Variants in RNF212 observed in about 807,000 individuals in gnomAD.
RNF212 encodes the protein probable E3 SUMO-protein ligase RNF212.
In RNF212, 33 loss-of-function variants were observed where a neutral mutation model predicts 34.7. That is an observed-to-expected ratio of 0.95 (90% CI 0.72 to 1.27). RNF212 has a LOEUF of 1.27. RNF212 is among the 50% of genes most tolerant of loss of function. The pLI is 0.00. For missense variants in RNF212, 377 were observed against 362.2 expected, an observed-to-expected ratio of 1.04 and a Z score of -0.33; for synonymous variants, 140 against 136.1, an observed-to-expected ratio of 1.03 and a Z score of -0.20.
chr4:1,105,141 T>G (rs1724609614), intron 2 of RNF212, among the ~76,000 whole-genome samples: 1 of 152,224 alleles, frequency 6.6e-6, no homozygotes. Context: ...AACTGGCGTG[T>G]CCATGACTGT....
chr4:1,088,650 C>T (rs1475138675), intron 4 of RNF212, among the ~76,000 whole-genome samples: 1 of 152,220 alleles, frequency 6.6e-6, no homozygotes, highest in Non-Finnish European at 1.5e-5. Flanking sequence ...GAGATCTTCA[C>T]AGCAGCCCCT....
chr4:1,099,714 A>T (rs1481396015), intron 2 of RNF212: 2 of 456,314 alleles, frequency 4.4e-6, no homozygotes, highest in Non-Finnish European at 8.8e-6. Context: ...GTTAAATCTC[A>T]CAGCGTGACT....
chr4:1,093,886 G>A, intron 3 of RNF212: 5 of 1,536,252 alleles, frequency 3.3e-6, no homozygotes, highest in Non-Finnish European at 4.4e-6. Flanking sequence ...CCCGTGTTGT[G>A]CTGACCCAGT....
intron 5 of RNF212, among the ~76,000 whole-genome samples, chr4:1,082,993 A>C (rs1384490571): frequency 6.6e-6 from 1 of 152,218 alleles, no homozygotes; most frequent in Non-Finnish European, 1.5e-5. Flanking sequence ...ACGCCACCAC[A>C]GTGAGGCCGG....
chr4:1,081,539 G>T, intron 6 of RNF212, 28 bp downstream of exon 6: 1 of 1,608,032 alleles, frequency 6.2e-7, no homozygotes, highest in Non-Finnish European at 8.5e-7. Context: ...TCTCTATTTT[G>T]TTCTCTTTCT....
chr4:1,096,560 G>C (rs1723079367), intron 3 of RNF212: 1 of 614,418 alleles, frequency 1.6e-6, no homozygotes, highest in Admixed American at 2.5e-5. Context: ...GCTCATCACA[G>C]AACCAAGCAC....
intron 2 of RNF212, among the ~76,000 whole-genome samples, chr4:1,103,312 A>G (rs1724317135): frequency 6.6e-6 from 1 of 152,238 alleles, no homozygotes; most frequent in Admixed American, 6.5e-5. Context: ...GAATGCTACC[A>G]AACATTTAAA....
At chr4:1,091,492 C>T (rs557771815) in intron 3 of RNF212, among the ~76,000 whole-genome samples, 7 of 152,294 alleles carry the variant, frequency 4.6e-5, no homozygotes, top group African/African-American at 1.4e-4. Context: ...CTGGAAGGGC[C>T]GACAGACAAC....
At chr4:1,081,040 C>A (rs1014313027) in intron 7 of RNF212, among the ~76,000 whole-genome samples, 1 of 152,194 alleles carries the variant, frequency 6.6e-6, no homozygotes, top group African/African-American at 2.4e-5. Flanking sequence ...GGCCATCCCC[C>A]AGGTGAAAGA....
exon 5 of RNF212, chr4:1,056,273 T>G (rs1398781500): frequency 3.3e-5 from 5 of 152,624 alleles, no homozygotes. Context: ...AAATACTTTA[T>G]TCCACTACAT....
At chr4:1,101,010 A>C (rs967569993) in intron 2 of RNF212, 2 of 176,796 alleles carry the variant, frequency 1.1e-5, no homozygotes, top group African/African-American at 4.7e-5. Flanking sequence ...TATCCACAAT[A>C]TTAAAACTCC....
At chr4:1,079,954 C>T (rs938340288) in intron 7 of RNF212, among the ~76,000 whole-genome samples, 12 of 152,220 alleles carry the variant, frequency 7.9e-5, no homozygotes, top group East Asian at 3.8e-4. Flanking sequence ...CCTGGCATTC[C>T]TCTCTTGCAC....
chr4:1,087,503 TGGGGGGTGACAGGATGAGGTG>T (rs1294827210), intron 4 of RNF212, among the ~76,000 whole-genome samples: 243 of 10,338 alleles, frequency 0.024, 1 homozygote, highest in African/African-American at 0.089. Flanking sequence ...GAACCAAGGT[TGGGGGGTGACAGGATGAGGTG>T]GGGGGGTGAC....
downstream of RNF212, among the ~76,000 whole-genome samples, chr4:1,070,787 G>A (rs1718426152): frequency 6.6e-6 from 1 of 152,212 alleles, no homozygotes; most frequent in South Asian, 2.1e-4. Context: ...CATGCTCAGT[G>A]GTTCAGAGAA....
chr4:1,093,369 A>C, intron 3 of RNF212: 1 of 1,181,140 alleles, frequency 8.5e-7, no homozygotes, highest in Non-Finnish European at 1.1e-6. Context: ...ATGTGTTAAC[A>C]TATTGTAACA....
chr4:1,110,928 C>G (rs1347891554), intron 1 of RNF212, among the ~76,000 whole-genome samples: 1 of 152,204 alleles, frequency 6.6e-6, no homozygotes, highest in African/African-American at 2.4e-5. Flanking sequence ...GCTAGGCAAA[C>G]CTGTGAATCT....
chr4:1,081,410 C>A lies in RNF212; in HGVS notation c.464+9G>T. 6 of 1,613,078 alleles carry A rather than the reference C, an allele frequency of 3.7e-6. No individual in the cohort carries two copies. Among genetic ancestry groups the A allele is most frequent in the Non-Finnish European group, 4.2e-6 (5 of 1,179,238 alleles). ...CAGGTCCTGTGATTTCTGCAAGCAA[C>A]CCACACACCTGTCGGGGGCTGATGA... On this transcript the variant is annotated intron_variant, in intron 7 of 9. Transcript: ENST00000433731.
chr4:1,099,989 G>A (rs745428146), intron 2 of RNF212: 117 of 416,760 alleles, frequency 2.8e-4, no homozygotes, highest in Non-Finnish European at 4.5e-4. Flanking sequence ...AGGCAGGAAC[G>A]GGGTTCTCTG....
intron 8 of RNF212, 90 bp downstream of exon 8, chr4:1,079,553 C>T (rs1363357348): frequency 2.2e-6 from 2 of 889,206 alleles, no homozygotes; most frequent in African/African-American, 1.6e-5. Context: ...TCTACTGTTG[C>T]ACGAGAGGTT....
Sources: allele counts gnomAD v4.1 joint callset (sites outside exome capture counted in the v4.1 genomes callset), GRCh38; gene constraint gnomAD v4.1.1; transcripts MANE v1.5; gene names NCBI Gene and HGNC (gene_info 2026-07-23, HGNC 2026-07-21).